Variants in FGD5 observed in about 807,000 individuals in gnomAD.
The protein encoded by FGD5 is FYVE, RhoGEF and PH domain-containing protein 5.
FGD5 carries 28 observed loss-of-function variants against 133.4 expected under a neutral mutation model. That is an observed-to-expected ratio of 0.21 (90% CI 0.16 to 0.29). The LOEUF (loss-of-function observed/expected upper bound fraction) is 0.29. Ranked by LOEUF, FGD5 falls within the 10% of genes least tolerant of loss-of-function variation. The probability of loss-of-function intolerance (pLI) is 1.00; values close to 1 mark genes in which losing one functional copy is unlikely to be tolerated. For synonymous variants in FGD5, 810 were observed against 776.5 expected (o/e 1.04, Z -0.72); for missense variants, 1,858 against 1,895.2 (o/e 0.98, Z 0.36).
intron 1 of FGD5, among the ~76,000 whole-genome samples, chr3:14,826,292 TCTC>T (rs2036596734): frequency 3.9e-5 from 6 of 152,008 alleles, no homozygotes; most frequent in Admixed American, 3.3e-4. Flanking sequence ...CCTCTCTCCC[TCTC>T]CTCTTCTTCC....
chr3:14,863,803 A>G (rs765729656), intron 1 of FGD5, among the ~76,000 whole-genome samples: 7 of 152,210 alleles, frequency 4.6e-5, no homozygotes, highest in Non-Finnish European at 1.0e-4. Flanking sequence ...TGACCAGGCC[A>G]GTCCAGATCC....
At chr3:14,886,238 C>G (rs1394443207) in intron 4 of FGD5, among the ~76,000 whole-genome samples, 12 of 152,204 alleles carry the variant, frequency 7.9e-5, no homozygotes. Flanking sequence ...TGTCTCCCAG[C>G]TGGGTTAGTC....
In FGD5 at chr3:14,820,503, A is replaced by G. The variant is rs1217388459; in HGVS notation, c.1432A>G (p.Thr478Ala). 12 of 1,613,822 alleles carry G rather than the reference A, an allele frequency of 7.4e-6. No individual in the cohort carries two copies. The highest frequency in any genetic ancestry group is 8.5e-6 in the Non-Finnish European group (10 of 1,179,870). ...CCTGGTTCCCGCGGACAGGAAGAAC[A>G]CCAGCACGAGGGTCCGGCCCCACTC... Reference protein sequence around the residue: ...GGLVPADRKNTSTRVRPHSGK... With the variant: ...GGLVPADRKNASTRVRPHSGK... Residue 478 changes from threonine to alanine, a missense_variant, in exon 1 of 20, where the codon ACC (threonine) becomes GCC (alanine). Around this residue, in one of 3 missense-constraint regions of FGD5, gnomAD observed 1,824 missense variants for 1,848.9 expected, o/e 0.99. Transcript: ENST00000285046.
chr3:14,926,872 T>G (rs2125161831), intron 18 of FGD5, among the ~76,000 whole-genome samples: 1 of 152,090 alleles, frequency 6.6e-6, no homozygotes, highest in Non-Finnish European at 1.5e-5. Flanking sequence ...AAAATGGGAG[T>G]TAAATGTATT....
intron 1 of FGD5, among the ~76,000 whole-genome samples, chr3:14,859,599 ACCCAAAAGAAAAG>A (rs1234403580): frequency 2.0e-5 from 3 of 149,298 alleles, no homozygotes; most frequent in Non-Finnish European, 4.5e-5. Flanking sequence ...AGTTACCCTT[ACCCAAAAGAAAAG>A]AAAGAAAGAA....
chr3:14,898,764 C>A lies in FGD5; in HGVS notation c.3092C>A (p.Thr1031Asn). ...FEQSVQGGSQ[T>N]AKHRLLRVVQ... is the part of the protein sequence containing the mutation. Reference sequence around the variant, plus strand: ...CAGAGTGTACAAGGAGGCAGCCAGACTGCGAAGCATCGGCTGCTGCGGGTG... The same window carrying A: ...CAGAGTGTACAAGGAGGCAGCCAGAATGCGAAGCATCGGCTGCTGCGGGTG... The change falls in exon 7 of 20, where the codon ACT becomes AAT. Residue 1031 changes from threonine to asparagine, a missense_variant. Thr to Asn is a moderately conservative substitution (Grantham distance 65, BLOSUM62 0). This residue lies in a region of FGD5 where 1,824 missense variants were observed against 1,848.9 expected (regional missense o/e 0.99). Transcript: ENST00000285046. The A allele has an allele frequency of 6.3e-7, 1 of 1,587,260 alleles. No individual in the cohort carries two copies. Among genetic ancestry groups the A allele is most frequent in the South Asian group, 1.2e-5 (1 of 86,658 alleles).
chr3:14,844,209 AAAAAAAAAATAT>A (rs1274286504), intron 1 of FGD5, among the ~76,000 whole-genome samples: 4 of 26,874 alleles, frequency 1.5e-4, no homozygotes, highest in Non-Finnish European at 2.0e-4. Flanking sequence ...GGCATTAAAA[AAAAAAAAAATAT>A]ATATATATAT....
chr3:14,920,101 CA>C (rs2038645299), intron 13 of FGD5, among the ~76,000 whole-genome samples: 1 of 151,964 alleles, frequency 6.6e-6, no homozygotes. Context: ...TCTTTCAGGG[CA>C]AGGTAAGCTC....
rs148245913 is a variant in FGD5, at chr3:14,850,512, C to T, written c.2526-13616C>T. ...TGTGTTATGTGTGCAGACAGAGAGA[C>T]GCCCTCCCCCTGGGTGATGGGAGGA... On this transcript the variant is annotated intron_variant, in intron 1 of 19. Coordinates refer to ENST00000285046, the MANE Select transcript of FGD5 (RefSeq NM_152536.4). Among the ~76,000 whole-genome samples the T allele has an allele frequency of 5.0e-4, 76 of 152,238 alleles. 2 individuals carry two copies. In the East Asian group the frequency reaches 0.011, roughly 22 times the overall value.
chr3:14,866,881 G>C (rs542583301), intron 2 of FGD5, among the ~76,000 whole-genome samples: 1 of 151,580 alleles, frequency 6.6e-6, no homozygotes, highest in Non-Finnish European at 1.5e-5. Context: ...CCAGAGCAAG[G>C]CCAGGGTCAG....
rs1311800910 is a variant in FGD5 at position 14,922,892 on chromosome 3, C to T, written c.3808-154C>T. Among the ~76,000 whole-genome samples, 2 of 151,976 alleles carry T rather than the reference C, an allele frequency of 1.3e-5. No individual in the cohort carries two copies. The highest frequency in any genetic ancestry group is 2.1e-4 in the South Asian group (1 of 4,818). ...GCTCAGAAACAAGATGAAGCCTTGC[C>T]GGAAAAGTAGGGGACACGCACAGCT... On this transcript the variant is annotated intron_variant, in intron 15 of 19. Coordinates refer to ENST00000285046, the MANE Select transcript of FGD5 (RefSeq NM_152536.4). This position sits in a 1 kb window ranked among gnomAD's most constrained non-coding sequence, Gnocchi z 4.1.
chr3:14,829,360 A>G (rs948219737), intron 1 of FGD5, among the ~76,000 whole-genome samples: 13 of 151,972 alleles, frequency 8.6e-5, no homozygotes, highest in Admixed American at 5.2e-4. Context: ...TTGCATGGAT[A>G]CTTTGCTGGC....
chr3:14,817,883 T>C (rs2036398637), upstream of FGD5, among the ~76,000 whole-genome samples: 1 of 152,194 alleles, frequency 6.6e-6, no homozygotes, highest in Admixed American at 6.5e-5. Context: ...GCCCGCAGTA[T>C]GCAAGGGAGC....
intron 18 of FGD5, among the ~76,000 whole-genome samples, chr3:14,929,604 A>T (rs2038868941): frequency 6.6e-6 from 1 of 152,196 alleles, no homozygotes. Context: ...GTAACTACTG[A>T]TATTAAGCAC....
chr3:14,859,443 A>T (rs576234731), intron 1 of FGD5, among the ~76,000 whole-genome samples: 2 of 152,224 alleles, frequency 1.3e-5, no homozygotes, highest in South Asian at 4.2e-4. Flanking sequence ...CTGTAATCCC[A>T]GCTACTCGGG....
At position 14,819,467 on chromosome 3, in the gene FGD5, C is replaced by G. The variant is rs2036437311; in HGVS notation, c.396C>G (p.Ser132Arg). The G allele has an allele frequency of 6.4e-7, 1 of 1,550,846 alleles. No individual in the cohort carries two copies. Among genetic ancestry groups the G allele is most frequent in the Non-Finnish European group, 8.7e-7 (1 of 1,146,842 alleles). The change falls in exon 1 of 20, where the codon AGC becomes AGG. Residue 132 changes from serine (S) to arginine (R), a missense_variant. This residue lies in a region of FGD5 where 1,824 missense variants were observed against 1,848.9 expected (regional missense o/e 0.99). Coordinates refer to ENST00000285046, the MANE Select transcript of FGD5 (RefSeq NM_152536.4). The surrounding 1 kb of genome is among the most constrained non-coding windows in gnomAD (Gnocchi z 4.1). Reference sequence around the variant, plus strand: ...CTGCTCCGGGTGCAGGAGCGCTGAGCAGGGAGGGTGAGGAAGGCACAGACC... The same window carrying G: ...CTGCTCCGGGTGCAGGAGCGCTGAGGAGGGAGGGTGAGGAAGGCACAGACC... ...APAAPGAGAL[S>R]REGEEGTDLA...
At chr3:14,880,897 A>T in intron 4 of FGD5, 125 bp downstream of exon 4, 1 of 1,238,216 alleles carries the variant, frequency 8.1e-7, no homozygotes, top group Middle Eastern at 2.2e-4. Context: ...GCAGGCAGGC[A>T]CTCACCGACG....
rs2036461518 is a variant in FGD5, at chr3:14,820,244, G to T, written c.1173G>T (p.Gly391=). ...GTGCGGAGGAGAACCCCATGGTGGG[G>T]GCTTTGTGTGGCCAGTGTGGCTCCC... ...GLRAEENPMV[G]ALCGQCGSLQ... is the part of the protein sequence containing the mutation. Residue 391 remains glycine, a synonymous_variant, in exon 1 of 20, where the codon GGG becomes GGT. Coordinates refer to ENST00000285046, the MANE Select transcript of FGD5 (RefSeq NM_152536.4). The T allele has an allele frequency of 6.2e-7, 1 of 1,604,812 alleles. No individual in the cohort carries two copies. Among genetic ancestry groups the T allele is most frequent in the African/African-American group, 1.3e-5 (1 of 74,718 alleles).
chr3:14,864,950 A>G (rs2037465838), intron 2 of FGD5, among the ~76,000 whole-genome samples: 1 of 152,160 alleles, frequency 6.6e-6, no homozygotes, highest in Non-Finnish European at 1.5e-5. Context: ...CCTTTCCCAC[A>G]ATGTACATTT....
Sources: gnomAD v4.1 joint callset for allele counts (sites outside exome capture counted in the v4.1 genomes callset) on GRCh38, gnomAD v4.1.1 for gene constraint, gnomAD v4.1.1 regional missense constraint, Gnocchi (gnomAD v3.1) non-coding constraint, MANE v1.5 for transcripts, NCBI Gene and HGNC (gene_info 2026-07-23, HGNC 2026-07-21) for gene names.